SOS2: variants seen among roughly 807,000 people sequenced by gnomAD.
SOS2 encodes the protein son of sevenless homolog 2.
In SOS2, 65 loss-of-function variants were observed where a neutral mutation model predicts 148.2. The ratio of observed to expected loss-of-function variants is 0.44; its 90% CI spans 0.36 to 0.54. The LOEUF (loss-of-function observed/expected upper bound fraction) is 0.54. Ranked by LOEUF, SOS2 falls within the 20% of genes least tolerant of loss-of-function variation. SOS2 has a pLI of 0.00. For synonymous variants in SOS2, 539 were observed against 537.1 expected (o/e 1.00, Z -0.05); for missense variants, 1,341 against 1,590.2 (o/e 0.84, Z 2.67).
rs149825446 is a variant in SOS2, at chr14:50,120,256, G to C, written c.3489+19C>G. On this transcript the variant is annotated intron_variant, in intron 22 of 22. Transcript: ENST00000216373. Reference sequence around the variant, plus strand: ...GATTCACAACTTTGAATAAGTTGGAGTAAAGTCCTGTTGATTACCTTGGAA... The same window carrying C: ...GATTCACAACTTTGAATAAGTTGGACTAAAGTCCTGTTGATTACCTTGGAA... 8.9e-7 allele frequency: 1 copy of C among 1,122,234 alleles called. No individual in the cohort carries two copies. The highest frequency in any genetic ancestry group is 1.3e-5 in the South Asian group (1 of 77,944). 69.5% of individuals were successfully genotyped at this position (1,122,234 alleles called of 1,614,324 possible).
chr14:50,157,045 C>T lies in SOS2; in HGVS notation c.2011G>A (p.Asp671Asn). 1 of 1,612,448 alleles carries T rather than the reference C, an allele frequency of 6.2e-7. No homozygotes were observed. Among genetic ancestry groups the T allele is most frequent in the Non-Finnish European group, 8.5e-7 (1 of 1,179,106 alleles). The change falls in exon 12 of 23, where the codon GAC becomes AAC. Residue 671 changes from aspartate to asparagine, a missense_variant. Around this residue, in one of 4 missense-constraint regions of SOS2, gnomAD observed 408 missense variants for 506.6 expected, o/e 0.81. Coordinates refer to ENST00000216373, the MANE Select transcript of SOS2 (RefSeq NM_006939.4). ...TATTCCTTGCGAAATCTTTTAAGGT[C>T]TGCACTGATTGGCTGCTCGCCTTTC... The part of the protein sequence containing the change: ...IEKGEQPISA[D>N]LKRFRKEYVQ...
intron 16 of SOS2, among the ~76,000 whole-genome samples, chr14:50,141,034 C>G (rs1444049070): frequency 6.6e-6 from 1 of 150,888 alleles, no homozygotes; most frequent in Non-Finnish European, 1.5e-5. Flanking sequence ...GAAACCCCGT[C>G]TCTACTAAAA....
At chr14:50,207,507 T>C (rs1425120374) in intron 1 of SOS2, among the ~76,000 whole-genome samples, 1 of 150,902 alleles carries the variant, frequency 6.6e-6, no homozygotes, top group Non-Finnish European at 1.5e-5. Flanking sequence ...CAAGACCTCA[T>C]CTCTAAAAGA....
intron 5 of SOS2, among the ~76,000 whole-genome samples, chr14:50,188,029 CTATTA>C (rs991579971): frequency 6.6e-6 from 1 of 152,114 alleles, no homozygotes; most frequent in Non-Finnish European, 1.5e-5. Context: ...GTCACTGTAC[CTATTA>C]TATAACAATT....
intron 2 of SOS2, among the ~76,000 whole-genome samples, chr14:50,204,080 A>C (rs986332735): frequency 2.6e-5 from 4 of 151,446 alleles, no homozygotes; most frequent in Non-Finnish European, 4.4e-5. Context: ...AAATGTACCC[A>C]GTTGTTCTAA....
At chr14:50,139,921 T>C (rs752071889) in intron 17 of SOS2, 21 bp downstream of exon 17, 11 of 1,196,726 alleles carry the variant, frequency 9.2e-6, no homozygotes, top group Non-Finnish European at 1.2e-5. Flanking sequence ...CCTCAAAATA[T>C]ATCCATATTT....
intron 4 of SOS2, among the ~76,000 whole-genome samples, chr14:50,197,374 CACT>C (rs1221545513): frequency 3.3e-5 from 5 of 152,158 alleles, no homozygotes; most frequent in African/African-American, 1.2e-4. Flanking sequence ...ACATCACCAC[CACT>C]AATGAGACAC....
intron 1 of SOS2, among the ~76,000 whole-genome samples, chr14:50,209,662 T>C (rs1340989091): frequency 6.6e-6 from 1 of 151,392 alleles, no homozygotes; most frequent in Admixed American, 6.6e-5. Context: ...GGGAGGCTGA[T>C]GTGGGAGGAT....
At position 50,149,202 on chromosome 14, in the gene SOS2, A is replaced by G. The variant is rs542827249; in HGVS notation, c.2384+806T>C. Among the ~76,000 whole-genome samples, 4 of 152,296 alleles carry G rather than the reference A, an allele frequency of 2.6e-5. No individual in the cohort carries two copies. In the East Asian group the frequency reaches 7.7e-4, roughly 29 times the overall value. ...TGAGCCATCATACCCAGCCAAGCACATTTATATTTTAAATTGAGGCTTCTA... is the reference window on the plus strand; with the variant it reads ...TGAGCCATCATACCCAGCCAAGCACGTTTATATTTTAAATTGAGGCTTCTA... On this transcript the variant is annotated intron_variant, in intron 14 of 22. Coordinates refer to ENST00000216373, the MANE Select transcript of SOS2 (RefSeq NM_006939.4).
intron 1 of SOS2, among the ~76,000 whole-genome samples, chr14:50,216,487 G>A (rs1219745888): frequency 6.6e-6 from 1 of 152,084 alleles, no homozygotes. Context: ...GGCAGAGCAA[G>A]GTTGCTCACA....
intron 12 of SOS2, among the ~76,000 whole-genome samples, chr14:50,153,580 G>A (rs548336751): frequency 1.3e-5 from 2 of 152,216 alleles, no homozygotes; most frequent in East Asian, 1.9e-4. Context: ...AAGATGTACT[G>A]TATCTGGTTC....
chr14:50,187,887 G>A (rs1279330841), intron 5 of SOS2, among the ~76,000 whole-genome samples: 1 of 152,024 alleles, frequency 6.6e-6, no homozygotes, highest in African/African-American at 2.4e-5. Flanking sequence ...AAAATGCAGA[G>A]GTCTTCCTTT....
intron 22 of SOS2, among the ~76,000 whole-genome samples, chr14:50,119,366 G>A (rs1883419812): frequency 6.6e-6 from 1 of 152,104 alleles, no homozygotes; most frequent in Non-Finnish European, 1.5e-5. Context: ...CTGGAGGTGT[G>A]GCTCCACAGT....
chr14:50,158,078 A>G lies in SOS2; in HGVS notation c.1934+487T>C, dbSNP rs79386579. On this transcript the variant is annotated intron_variant, in intron 11 of 22. Coordinates refer to ENST00000216373, the MANE Select transcript of SOS2 (RefSeq NM_006939.4). ...GGGTGGGGTGTTTAAATTTGTAGGGAAACAGATGAAACAATGAGTTGATAA... is the reference window on the plus strand; with the variant it reads ...GGGTGGGGTGTTTAAATTTGTAGGGGAACAGATGAAACAATGAGTTGATAA... Among the ~76,000 whole-genome samples, 48 of 152,236 alleles carry G rather than the reference A, an allele frequency of 3.2e-4. No individual in the cohort carries two copies. In the East Asian group the frequency reaches 7.5e-3, roughly 24 times the overall value.
chr14:50,178,647 AGT>A (rs1291991897), intron 7 of SOS2, among the ~76,000 whole-genome samples: 22 of 89,238 alleles, frequency 2.5e-4, no homozygotes, highest in South Asian at 2.1e-3. Context: ...CATGCCCGCT[AGT>A]GTGTGTGTGT....
intron 2 of SOS2, among the ~76,000 whole-genome samples, chr14:50,202,540 C>T (rs1264368510): frequency 6.6e-6 from 1 of 151,872 alleles, no homozygotes; most frequent in Non-Finnish European, 1.5e-5. Flanking sequence ...ATGAAACCAG[C>T]ATGCGCAATG....
At chr14:50,197,685 C>G (rs1309666182) in intron 4 of SOS2, among the ~76,000 whole-genome samples, 1 of 124,828 alleles carries the variant, frequency 8.0e-6, no homozygotes, top group African/African-American at 2.9e-5. Context: ...GTCAGCTTTA[C>G]CACCTTTTTT....
chr14:50,209,434 T>G (rs940922246), intron 1 of SOS2, among the ~76,000 whole-genome samples: 1 of 152,022 alleles, frequency 6.6e-6, no homozygotes, highest in South Asian at 2.1e-4. Context: ...TCATAAAAAA[T>G]AAACTTTTCT....
At chr14:50,175,227 A>G (rs1885484830) in intron 7 of SOS2, among the ~76,000 whole-genome samples, 1 of 152,176 alleles carries the variant, frequency 6.6e-6, no homozygotes, top group African/African-American at 2.4e-5. Context: ...TTTATCCCAA[A>G]TGATGATGAA....
Sources: gnomAD v4.1 joint callset for allele counts (sites outside exome capture counted in the v4.1 genomes callset) on GRCh38, gnomAD v4.1.1 for gene constraint, gnomAD v4.1.1 regional missense constraint, MANE v1.5 for transcripts, NCBI Gene and HGNC (gene_info 2026-07-23, HGNC 2026-07-21) for gene names.